Variants in SLC7A14 observed in about 807,000 individuals in gnomAD.
SLC7A14 encodes solute carrier family 7 member 14.
Under a neutral mutation model 60.2 loss-of-function variants are expected in SLC7A14, and 37 were observed. That is an observed-to-expected ratio of 0.61 (90% CI 0.47 to 0.81). The LOEUF (loss-of-function observed/expected upper bound fraction) is 0.81. Among genes scored for constraint, SLC7A14 ranks in the 30% least tolerant of loss-of-function variants. The pLI is 0.00. For missense variants in SLC7A14, 886 were observed against 982.7 expected (o/e 0.90, Z 1.32); for synonymous variants, 399 against 395.8 (o/e 1.01, Z -0.10).
At chr3:170,560,861 C>T (rs1338579449) in intron 1 of SLC7A14, among the ~76,000 whole-genome samples, 1 of 152,234 alleles carries the variant, frequency 6.6e-6, no homozygotes, top group Non-Finnish European at 1.5e-5. Flanking sequence ...TATATAACCA[C>T]TTTAACCACG....
At chr3:170,495,896 C>G in intron 4 of SLC7A14, 1 of 1,413,454 alleles carries the variant, frequency 7.1e-7, no homozygotes. Flanking sequence ...AGGCTCTGGG[C>G]TAGGAGAAGC....
chr3:170,482,417 A>G (rs1169293496), intron 6 of SLC7A14, among the ~76,000 whole-genome samples: 5 of 152,224 alleles, frequency 3.3e-5, no homozygotes, highest in Non-Finnish European at 7.3e-5. Context: ...GAAATGAGTC[A>G]GAAGATGATG....
chr3:170,531,565 A>G (rs1388634043), intron 1 of SLC7A14, among the ~76,000 whole-genome samples: 1 of 152,326 alleles, frequency 6.6e-6, no homozygotes, highest in East Asian at 1.9e-4. Flanking sequence ...TTATTGATGC[A>G]AACAGGGAGT....
At chr3:170,483,571 A>G in intron 5 of SLC7A14, 49 bp from the exon 6 acceptor site, 1 of 1,599,796 alleles carries the variant, frequency 6.3e-7, no homozygotes. Context: ...GAAGAACAGC[A>G]TGGATAGAGG....
chr3:170,537,995 C>G (rs192556872), intron 1 of SLC7A14, among the ~76,000 whole-genome samples: 40 of 152,290 alleles, frequency 2.6e-4, no homozygotes, highest in Non-Finnish European at 4.1e-4. Flanking sequence ...ATGACCTAAT[C>G]TTGAAAGTCT....
At chr3:170,483,630 G>T in intron 5 of SLC7A14, 108 bp from the exon 6 acceptor site, 1 of 1,207,386 alleles carries the variant, frequency 8.3e-7, no homozygotes, top group East Asian at 2.4e-5. Context: ...AGGCTTGCAT[G>T]GCAGTTTGGA....
rs138031691 is a variant in SLC7A14, at chr3:170,526,824, C to G, written c.113G>C (p.Gly38Ala). The G allele has an allele frequency of 1.4e-5, 23 of 1,614,046 alleles. No individual in the cohort carries two copies. The highest frequency in any genetic ancestry group is 1.8e-5 in the Non-Finnish European group (21 of 1,180,034). ...RTKPVESMLE[G>A]TGTTTAHGTK... Reference sequence around the variant, plus strand: ...TCCATGTGCCGTGGTGGTCCCAGTTCCCTCTAGCATGGACTCCACTGGTTT... The same window carrying G: ...TCCATGTGCCGTGGTGGTCCCAGTTGCCTCTAGCATGGACTCCACTGGTTT... The change falls in exon 2 of 8, where the codon GGA becomes GCA. Residue 38 changes from glycine to alanine, a missense_variant. Gly to Ala is a moderately conservative substitution (Grantham distance 60). Transcript: ENST00000231706.
intron 2 of SLC7A14, among the ~76,000 whole-genome samples, 173 bp downstream of exon 2, chr3:170,526,460 A>C (rs1577537529): frequency 6.6e-6 from 1 of 151,964 alleles, no homozygotes; most frequent in African/African-American, 2.4e-5. Flanking sequence ...TACTATAATT[A>C]AGTCAAAACC....
At chr3:170,511,336 G>T (rs961149943) in intron 2 of SLC7A14, among the ~76,000 whole-genome samples, 1 of 152,006 alleles carries the variant, frequency 6.6e-6, no homozygotes, top group African/African-American at 2.4e-5. Flanking sequence ...GGTGGAGGTT[G>T]CGGTGAGCCG....
chr3:170,515,761 G>T lies in SLC7A14; in HGVS notation c.304+10872C>A, dbSNP rs1713136439. Among the ~76,000 whole-genome samples, 3 of 152,262 alleles carry T rather than the reference G, an allele frequency of 2.0e-5. No individual in the cohort carries two copies. In the South Asian group the frequency reaches 6.2e-4, roughly 32 times the overall value. On this transcript the variant is annotated intron_variant, in intron 2 of 7. Coordinates refer to ENST00000231706, the MANE Select transcript of SLC7A14 (RefSeq NM_020949.3). ...TTTCAGAGGAGGAAACTGAGATCAG[G>T]ACATGTGAATGACTTGCCTGAGGGC...
At chr3:170,577,970 C>G (rs1232029937) in intron 1 of SLC7A14, among the ~76,000 whole-genome samples, 2 of 151,922 alleles carry the variant, frequency 1.3e-5, no homozygotes, top group African/African-American at 4.8e-5. Context: ...TTAGCCTTGA[C>G]CCAAGCCTAC....
intron 7 of SLC7A14, among the ~76,000 whole-genome samples, chr3:170,474,686 T>A (rs1711557665): frequency 6.6e-6 from 1 of 152,164 alleles, no homozygotes; most frequent in Non-Finnish European, 1.5e-5. Flanking sequence ...CTGCTTTGGG[T>A]CAATTTCCAG....
intron 1 of SLC7A14, among the ~76,000 whole-genome samples, chr3:170,559,784 G>T (rs906016509): frequency 2.0e-5 from 3 of 152,048 alleles, no homozygotes; most frequent in Non-Finnish European, 4.4e-5. Flanking sequence ...AAGTTATACT[G>T]CAGTTGTCTT....
chr3:170,536,133 A>G (rs1000748191), intron 1 of SLC7A14, among the ~76,000 whole-genome samples: 3 of 152,202 alleles, frequency 2.0e-5, no homozygotes, highest in African/African-American at 7.2e-5. Flanking sequence ...ATTATCTGAA[A>G]TACAGGAGAA....
chr3:170,534,069 G>C (rs1186196738), intron 1 of SLC7A14, among the ~76,000 whole-genome samples: 1 of 152,036 alleles, frequency 6.6e-6, no homozygotes, highest in Non-Finnish European at 1.5e-5. Context: ...TTGTTTGTTT[G>C]TTTCTAAAAA....
chr3:170,528,476 A>G (rs577937166), intron 1 of SLC7A14, among the ~76,000 whole-genome samples: 4 of 152,340 alleles, frequency 2.6e-5, no homozygotes, highest in African/African-American at 7.2e-5. Flanking sequence ...TATAATCAGT[A>G]AGTACCTGCC....
Position 170,499,019 on chromosome 3 carries a change from GA to G in SLC7A14, c.542-136del, listed in dbSNP as rs1712511758. On this transcript the variant is annotated intron_variant, in intron 3 of 7. Coordinates refer to ENST00000231706, the MANE Select transcript of SLC7A14 (RefSeq NM_020949.3). Reference sequence around the variant, plus strand: ...TGGGAGGCCGAGGCAGGCAGATCACGAGGTCAGGAGATTGAGACCATCCTGG... The same window carrying G: ...TGGGAGGCCGAGGCAGGCAGATCACGGGTCAGGAGATTGAGACCATCCTGG... The G allele has an allele frequency of 2.0e-5, 14 of 716,626 alleles. No homozygotes were observed. The South Asian group carries it at 2.6e-4, about 13-fold the overall frequency. 44.4% of individuals were successfully genotyped at this position (716,626 alleles called of 1,614,324 possible).
intron 4 of SLC7A14, among the ~76,000 whole-genome samples, chr3:170,490,598 T>C (rs1712185607): frequency 6.6e-6 from 1 of 152,186 alleles, no homozygotes; most frequent in Admixed American, 6.5e-5. Flanking sequence ...CACCTTTAAA[T>C]ATGTGCAGTA....
At chr3:170,543,755 T>C (rs531625961) in intron 1 of SLC7A14, among the ~76,000 whole-genome samples, 19 of 148,908 alleles carry the variant, frequency 1.3e-4, no homozygotes, top group East Asian at 9.8e-4. Context: ...TTCTTTCTTT[T>C]TTTTTTTTTT....
Sources: gnomAD v4.1 joint callset for allele counts (sites outside exome capture counted in the v4.1 genomes callset) on GRCh38, gnomAD v4.1.1 for gene constraint, MANE v1.5 for transcripts, NCBI Gene and HGNC (gene_info 2026-07-23, HGNC 2026-07-21) for gene names.